Variants in CASZ1 observed in about 807,000 individuals in gnomAD.
CASZ1 encodes zinc finger protein castor homolog 1.
Under a neutral mutation model 135.2 loss-of-function variants are expected in CASZ1, and 28 were observed. The ratio of observed to expected loss-of-function variants is 0.21; its 90% CI spans 0.15 to 0.28. CASZ1 has a LOEUF of 0.28. Ranked by LOEUF, CASZ1 falls within the 10% of genes least tolerant of loss-of-function variation. The pLI, the probability that CASZ1 is intolerant of heterozygous loss-of-function variation, is 1.00. For missense variants in CASZ1, 2,161 were observed against 2,453.3 expected, an observed-to-expected ratio of 0.88 and a Z score of 2.52; for synonymous variants, 1,068 against 1,073.4, an observed-to-expected ratio of 0.99 and a Z score of 0.10.
rs763536486 is a variant in CASZ1, at chr1:10,646,233, G to A, written c.3591C>T (p.Gly1197=). 1 of 1,614,172 alleles carries A rather than the reference G, an allele frequency of 6.2e-7. No homozygotes were observed. The highest frequency in any genetic ancestry group is 8.5e-7 in the Non-Finnish European group (1 of 1,180,042). The part of the protein sequence containing the change: ...GNCKYVCKTS[G]KAESHCLDHI... ...GGTCCAGGCAGTGGGATTCGGCCTT[G>A]CCAGACGTTTTGCAGACGTACTTGC... Residue 1197 remains glycine (G), a synonymous_variant, in exon 17 of 21, where the codon GGC becomes GGT. Transcript: ENST00000377022. The surrounding 1 kb of genome is among the most constrained non-coding windows in gnomAD (Gnocchi z 6.4).
rs200567467 is a variant in CASZ1, at chr1:10,680,891, ATCTT to A, written c.16+12979_16+12982del. On this transcript the variant is annotated intron_variant, in intron 4 of 20. Transcript: ENST00000377022. The stretch of plus-strand genomic sequence containing the variant: ...GGGGCAGGGCTGGGGCCTCACCCCC[ATCTT>A]TCTTTCTTTCTTTCTTTTTTTTGGA... 9.8e-3 allele frequency among the ~76,000 whole-genome samples: 1,492 copies of A among 152,096 alleles called. 19 individuals are homozygous for A. Among genetic ancestry groups the A allele is most frequent in the African/African-American group, 0.03 (1,234 of 41,502 alleles).
chr1:10,691,654 C>G (rs1638772011), intron 4 of CASZ1, among the ~76,000 whole-genome samples: 1 of 152,228 alleles, frequency 6.6e-6, no homozygotes, highest in African/African-American at 2.4e-5. Context: ...ATGGCCCCAG[C>G]TGTATGCCGT....
At chr1:10,685,336 C>T (rs1369685350) in intron 4 of CASZ1, among the ~76,000 whole-genome samples, 1 of 152,234 alleles carries the variant, frequency 6.6e-6, no homozygotes, top group African/African-American at 2.4e-5. Context: ...TCCAGTGCCA[C>T]CTGCCCCATG....
At chr1:10,663,332 C>G (rs1055670543) in intron 5 of CASZ1, among the ~76,000 whole-genome samples, 16 of 152,228 alleles carry the variant, frequency 1.1e-4, no homozygotes, top group Admixed American at 8.5e-4. Flanking sequence ...GCCTGGGACC[C>G]GGCTAGGGGA....
intron 3 of CASZ1, among the ~76,000 whole-genome samples, chr1:10,696,046 C>T (rs1461851623): frequency 3.3e-5 from 5 of 152,244 alleles, no homozygotes; most frequent in Non-Finnish European, 5.9e-5. Context: ...AGCAACATGG[C>T]GCTGGCCTAT....
rs368958186 is a variant in CASZ1 at position 10,647,761 on chromosome 1, C to G, written c.3497+40G>C. On this transcript the variant is annotated intron_variant, in intron 16 of 20. Transcript: ENST00000377022. This position sits in a 1 kb window ranked among gnomAD's most constrained non-coding sequence, Gnocchi z 4.9. Reference sequence around the variant, plus strand: ...CTTGCTAGCACCTACTCCCGAGACGCGAGGGGAACGCGGGACTCCCGGCTC... The same window carrying G: ...CTTGCTAGCACCTACTCCCGAGACGGGAGGGGAACGCGGGACTCCCGGCTC... The G allele has an allele frequency of 1.2e-6, 2 of 1,610,854 alleles. No homozygotes were observed. The highest frequency in any genetic ancestry group is 1.7e-6 in the Non-Finnish European group (2 of 1,179,958).
At chr1:10,758,818 C>T (rs895640546) in intron 2 of CASZ1, among the ~76,000 whole-genome samples, 18 of 152,288 alleles carry the variant, frequency 1.2e-4, no homozygotes, top group Middle Eastern at 3.4e-3. Flanking sequence ...AGAGGACCCC[C>T]GCCTGCAGTC....
rs1640242216 is a variant in CASZ1, at chr1:10,755,779, A to ATG, written c.-77+4921_-77+4922insCA. 1.3e-5 allele frequency among the ~76,000 whole-genome samples: 2 copies of ATG among 152,048 alleles called. No homozygotes were observed. Among genetic ancestry groups the ATG allele is most frequent in the Non-Finnish European group, 2.9e-5 (2 of 68,002 alleles). ...CCCAGCCACATCTCTGCCCAGCCCA[A>ATG]GGCAACCTTGGGGTCTACCCATCCT... On this transcript the variant is annotated intron_variant, in intron 2 of 20. Coordinates refer to ENST00000377022, the MANE Select transcript of CASZ1 (RefSeq NM_001079843.3). This position sits in a 1 kb window ranked among gnomAD's most constrained non-coding sequence, Gnocchi z 4.3.
rs767609866 is a variant in CASZ1, at chr1:10,660,556, C to T, written c.506-20G>A. The stretch of plus-strand genomic sequence containing the variant: ...CCTCTCCTGCAGAGGAGGATGGGGG[C>T]GCATCACCTCTGGGAGGGAGTGGGA... On this transcript the variant is annotated intron_variant, in intron 5 of 20. Coordinates refer to ENST00000377022, the MANE Select transcript of CASZ1 (RefSeq NM_001079843.3). 5 of 1,597,366 alleles carry T rather than the reference C, an allele frequency of 3.1e-6. No homozygotes were observed. The highest frequency in any genetic ancestry group is 2.7e-5 in the African/African-American group (2 of 74,798).
At chr1:10,667,990 G>A (rs995770397) in intron 4 of CASZ1, among the ~76,000 whole-genome samples, 1 of 152,082 alleles carries the variant, frequency 6.6e-6, no homozygotes, top group Admixed American at 6.5e-5. Flanking sequence ...CCCGGCACCT[G>A]CCCTCCAGCT....
chr1:10,670,036 C>T (rs1007490145), intron 4 of CASZ1, among the ~76,000 whole-genome samples: 7 of 152,306 alleles, frequency 4.6e-5, no homozygotes, highest in East Asian at 3.9e-4. Context: ...GCCTAATGCC[C>T]GCTGTATATC....
chr1:10,745,089 T>G (rs1640014796), intron 2 of CASZ1, among the ~76,000 whole-genome samples: 1 of 152,172 alleles, frequency 6.6e-6, no homozygotes, highest in African/African-American at 2.4e-5. Context: ...TTGCTTTGCT[T>G]GACAAAGAAG....
intron 2 of CASZ1, among the ~76,000 whole-genome samples, chr1:10,743,166 A>T (rs1328549709): frequency 1.3e-5 from 2 of 152,074 alleles, no homozygotes; most frequent in Non-Finnish European, 2.9e-5. Context: ...CTCAGGACAG[A>T]GGGGCAGAGG....
At chr1:10,668,396 C>T (rs1022463341) in intron 4 of CASZ1, among the ~76,000 whole-genome samples, 10 of 152,250 alleles carry the variant, frequency 6.6e-5, no homozygotes, top group South Asian at 2.1e-4. Flanking sequence ...ATCTCCTTCC[C>T]GCCACCAGCC....
At chr1:10,792,319 T>TCCCCCCC (rs1553144420) in intron 1 of CASZ1, among the ~76,000 whole-genome samples, 3 of 16,918 alleles carry the variant, frequency 1.8e-4, no homozygotes, top group Non-Finnish European at 2.7e-4. Flanking sequence ...GGCTTACCCC[T>TCCCCCCC]CCCCCCCGCC....
intron 3 of CASZ1, chr1:10,704,108 G>A (rs1373069238): frequency 1.3e-5 from 2 of 152,446 alleles, no homozygotes; most frequent in Middle Eastern, 3.4e-3. Flanking sequence ...CAGAGAACAA[G>A]GCACGGCGTG....
At position 10,694,884 on chromosome 1, in the gene CASZ1, C is replaced by T. The variant is rs1209123514; in HGVS notation, c.-23-972G>A. ...CCCGCGGGCACGCGCCCACTCTTGC[C>T]GGCCGCCGGCGGCCGCGCGCGCGCT... On this transcript the variant is annotated intron_variant, in intron 3 of 20. Coordinates refer to ENST00000377022, the MANE Select transcript of CASZ1 (RefSeq NM_001079843.3). The surrounding 1 kb of genome is among the most constrained non-coding windows in gnomAD (Gnocchi z 6.6). 2.8e-5 allele frequency among the ~76,000 whole-genome samples: 4 copies of T among 143,714 alleles called. No individual in the cohort carries two copies. The highest frequency in any genetic ancestry group is 6.9e-5 in the Admixed American group (1 of 14,592). The allele number at this position is 143,714 out of a possible 152,430, so 94.3% of individuals were successfully genotyped here.
chr1:10,698,218 C>A (rs1638982062), intron 3 of CASZ1, among the ~76,000 whole-genome samples: 1 of 152,246 alleles, frequency 6.6e-6, no homozygotes, highest in Non-Finnish European at 1.5e-5. Flanking sequence ...CCAGCAATCT[C>A]CATTCCGAAA....
intron 1 of CASZ1, among the ~76,000 whole-genome samples, chr1:10,795,085 C>T (rs1194445681): frequency 1.3e-5 from 2 of 152,200 alleles, no homozygotes; most frequent in Non-Finnish European, 2.9e-5. Context: ...GCTGCACATT[C>T]TGCAAATGCC....
Sources: gnomAD v4.1 joint callset for allele counts (sites outside exome capture counted in the v4.1 genomes callset) on GRCh38, gnomAD v4.1.1 for gene constraint, Gnocchi (gnomAD v3.1) non-coding constraint, MANE v1.5 for transcripts, NCBI Gene and HGNC (gene_info 2026-07-23, HGNC 2026-07-21) for gene names.